CDH18: variants seen among roughly 807,000 people sequenced by gnomAD.
CDH18 encodes the protein cadherin-18.
CDH18 carries 31 observed loss-of-function variants against 67.9 expected under a neutral mutation model. The observed-to-expected ratio is 0.46, with a 90% CI of 0.34 to 0.62. The LOEUF is 0.62. CDH18 is among the 20% of genes least tolerant of loss of function. The pLI, the probability that CDH18 is intolerant of heterozygous loss-of-function variation, is 0.01. For synonymous variants in CDH18, 362 were observed against 347.2 expected, an observed-to-expected ratio of 1.04 and a Z score of -0.48; for missense variants, 890 against 975.5, an observed-to-expected ratio of 0.91 and a Z score of 1.17.
At chr5:19,866,706 T>C (rs148649500) in intron 2 of CDH18, among the ~76,000 whole-genome samples, 1 of 152,078 alleles carries the variant, frequency 6.6e-6, no homozygotes, top group South Asian at 2.1e-4. Context: ...ATGATTAATA[T>C]CTCCTCTTTC....
chr5:20,414,681 T>C (rs1181567750), intron 1 of CDH18, among the ~76,000 whole-genome samples: 2 of 152,208 alleles, frequency 1.3e-5, no homozygotes, highest in African/African-American at 2.4e-5. Flanking sequence ...TATGAATTTT[T>C]TTAAGACATA....
chr5:20,143,113 C>A (rs2126533085), intron 2 of CDH18, among the ~76,000 whole-genome samples: 1 of 152,052 alleles, frequency 6.6e-6, no homozygotes, highest in African/African-American at 2.4e-5. Flanking sequence ...CTAGTGATGG[C>A]TCAGAAAGAA....
At chr5:19,514,698 A>AT (rs1318646842) in intron 10 of CDH18, among the ~76,000 whole-genome samples, 14 of 151,542 alleles carry the variant, frequency 9.2e-5, no homozygotes, top group Non-Finnish European at 1.5e-4. Context: ...GGGTTGTTTG[A>AT]TTTTTTCTTG....
At chr5:19,690,798 AAG>A (rs1318548214) in intron 5 of CDH18, among the ~76,000 whole-genome samples, 1 of 151,832 alleles carries the variant, frequency 6.6e-6, no homozygotes, top group Non-Finnish European at 1.5e-5. Context: ...AAAGCCTCAA[AAG>A]AGAGAAAATC....
intron 2 of CDH18, among the ~76,000 whole-genome samples, chr5:20,242,669 C>A: frequency 2.0e-5 from 1 of 50,010 alleles, no homozygotes; most frequent in African/African-American, 1.1e-4. Flanking sequence ...GACTAGCTAT[C>A]CAAGAATTAC....
At chr5:19,852,771 A>T (rs903845147) in intron 2 of CDH18, among the ~76,000 whole-genome samples, 3 of 152,032 alleles carry the variant, frequency 2.0e-5, no homozygotes, top group African/African-American at 2.4e-5. Flanking sequence ...TCCTCCAATA[A>T]CTGATTTTTA....
At chr5:20,473,747 A>G (rs878990707) in intron 1 of CDH18, among the ~76,000 whole-genome samples, 1 of 152,126 alleles carries the variant, frequency 6.6e-6, no homozygotes, top group South Asian at 2.1e-4. Flanking sequence ...TTTGCCAAAA[A>G]CTAGGTATTA....
At chr5:19,829,889 C>T (rs1232131426) in intron 3 of CDH18, among the ~76,000 whole-genome samples, 1 of 152,052 alleles carries the variant, frequency 6.6e-6, no homozygotes, top group African/African-American at 2.4e-5. Flanking sequence ...AAGCCACATA[C>T]CTACCAACAT....
In CDH18 at chr5:20,501,569, AAT is replaced by A. The variant is rs1437925295; in HGVS notation, c.-580+73891_-580+73892del. ...TATTATATATATAATATATATATAT[AAT>A]ATATATATATTATATATATATATTA... On this transcript the variant is annotated intron_variant, in intron 1 of 14. Coordinates refer to the CDH18 transcript ENST00000507958. Among the ~76,000 whole-genome samples the A allele has an allele frequency of 4.8e-3, 77 of 16,192 alleles. 1 individual carries two copies. Among genetic ancestry groups the A allele is most frequent in the Admixed American group, 0.01 (7 of 686 alleles). 10.6% of individuals were successfully genotyped at this position (16,192 alleles called of 152,430 possible).
chr5:20,159,599 T>C (rs1352686411), intron 2 of CDH18, among the ~76,000 whole-genome samples: 1 of 152,168 alleles, frequency 6.6e-6, no homozygotes, highest in Non-Finnish European at 1.5e-5. Context: ...TTTCTTGTTA[T>C]TACCAAGAAG....
At chr5:19,600,148 C>T (rs1580423574) in intron 6 of CDH18, among the ~76,000 whole-genome samples, 1 of 142,432 alleles carries the variant, frequency 7.0e-6, no homozygotes, top group East Asian at 2.1e-4. Flanking sequence ...GGGAATTAAA[C>T]TATGAGAACA....
intron 5 of CDH18, among the ~76,000 whole-genome samples, chr5:19,668,151 G>C (rs1201564120): frequency 6.6e-6 from 1 of 151,912 alleles, no homozygotes; most frequent in Non-Finnish European, 1.5e-5. Context: ...ATAATTGCTT[G>C]GGCAGTTACA....
intron 5 of CDH18, among the ~76,000 whole-genome samples, chr5:19,658,543 G>T (rs1756721893): frequency 6.6e-6 from 1 of 152,014 alleles, no homozygotes; most frequent in Admixed American, 6.6e-5. Flanking sequence ...GGCACCCATG[G>T]TAATTGTTGT....
At chr5:19,544,293 A>G (rs1735928027) in intron 8 of CDH18, among the ~76,000 whole-genome samples, 1 of 152,078 alleles carries the variant, frequency 6.6e-6, no homozygotes, top group Non-Finnish European at 1.5e-5. Flanking sequence ...TGGAGAGACC[A>G]AAAGAACTCA....
At chr5:19,925,034 A>G (rs1792937425) in intron 2 of CDH18, among the ~76,000 whole-genome samples, 1 of 152,222 alleles carries the variant, frequency 6.6e-6, no homozygotes, top group Non-Finnish European at 1.5e-5. Context: ...AACCAGTAGC[A>G]TAAACAGTCA....
At chr5:20,242,476 T>C (rs1743006127) in intron 2 of CDH18, among the ~76,000 whole-genome samples, 1 of 151,042 alleles carries the variant, frequency 6.6e-6, no homozygotes. Flanking sequence ...ATGATATTTG[T>C]CTTCCTGTCC....
chr5:20,184,945 A>G (rs1407139507), intron 2 of CDH18, among the ~76,000 whole-genome samples: 2 of 152,092 alleles, frequency 1.3e-5, no homozygotes, highest in African/African-American at 4.8e-5. Context: ...AAAGAAGTAG[A>G]CTTCAGACCT....
chr5:19,790,633 T>C (rs1427351884), intron 3 of CDH18, among the ~76,000 whole-genome samples: 2 of 152,100 alleles, frequency 1.3e-5, no homozygotes, highest in East Asian at 3.9e-4. Flanking sequence ...GTTGAGGATT[T>C]GGAGTTTAAT....
At chr5:20,364,028 C>A (rs1241022557) in intron 1 of CDH18, among the ~76,000 whole-genome samples, 1 of 152,058 alleles carries the variant, frequency 6.6e-6, no homozygotes, top group Non-Finnish European at 1.5e-5. Context: ...CTTCCCAATG[C>A]CTTTCCAGGG....
Sources: allele counts gnomAD v4.1 joint callset (sites outside exome capture counted in the v4.1 genomes callset), GRCh38; gene constraint gnomAD v4.1.1; transcripts MANE v1.5; gene names NCBI Gene and HGNC (gene_info 2026-07-23, HGNC 2026-07-21).